Variants in NFATC3 observed in about 807,000 individuals in gnomAD.
NFATC3 encodes nuclear factor of activated T-cells, cytoplasmic 3.
Under a neutral mutation model 98.6 loss-of-function variants are expected in NFATC3, and 46 were observed. The ratio of observed to expected loss-of-function variants is 0.47; its 90% CI spans 0.37 to 0.60. The LOEUF (loss-of-function observed/expected upper bound fraction) is 0.60, where lower values mean the gene tolerates loss of function less well. NFATC3 is among the 20% of genes least tolerant of loss of function. The pLI, the probability that NFATC3 is intolerant of heterozygous loss-of-function variation, is 0.00. For missense variants in NFATC3, 1,256 were observed against 1,295.5 expected (o/e 0.97, Z 0.47); for synonymous variants, 512 against 472.2 (o/e 1.08, Z -1.09).
At chr16:68,094,303 G>A (rs1025046015) in intron 1 of NFATC3, among the ~76,000 whole-genome samples, 2 of 151,826 alleles carry the variant, frequency 1.3e-5, no homozygotes, top group African/African-American at 4.8e-5. Context: ...AGTTTAAAGC[G>A]TTTAGATCTG....
At chr16:68,210,684 T>G (rs934879218) in intron 9 of NFATC3, among the ~76,000 whole-genome samples, 1 of 152,200 alleles carries the variant, frequency 6.6e-6, no homozygotes, top group Admixed American at 6.5e-5. Flanking sequence ...TAAAACTCAC[T>G]TGGTCTTAAT....
intron 1 of NFATC3, chr16:68,089,263 C>G: frequency 1.0e-6 from 1 of 985,330 alleles, no homozygotes; most frequent in Non-Finnish European, 1.2e-6. Context: ...CCTAAGCAAG[C>G]TTGTTAAAGT....
intron 4 of NFATC3, among the ~76,000 whole-genome samples, chr16:68,163,752 A>G (rs1321929906): frequency 1.9e-4 from 27 of 144,948 alleles, no homozygotes; most frequent in Non-Finnish European, 3.6e-4. Flanking sequence ...GGCGCTCCTC[A>G]CATCCCAGAC....
chr16:68,089,372 C>A (rs575006052), intron 1 of NFATC3: 2 of 820,806 alleles, frequency 2.4e-6, no homozygotes, highest in Non-Finnish European at 2.9e-6. Flanking sequence ...CTACTGTTTG[C>A]GAGATATTTT....
In NFATC3 at chr16:68,229,004, G is replaced by A. The variant is rs1207341387; in HGVS notation, c.*2533G>A. On this transcript the variant is annotated 3_prime_UTR_variant, in exon 10 of 10. Coordinates refer to ENST00000346183, the MANE Select transcript of NFATC3 (RefSeq NM_173165.3). ...GCCTGGCTGTGAAGCCCTGTTTTTG[G>A]TATTCAGAATGGATCTTTAAGGCTC... 6.6e-6 allele frequency: 1 copy of A among 152,258 alleles called. No individual in the cohort carries two copies. The highest frequency in any genetic ancestry group is 2.4e-5 in the African/African-American group (1 of 41,466). 9.4% of individuals were successfully genotyped at this position (152,258 alleles called of 1,614,324 possible). A position where few individuals can be genotyped will look rare whatever the true frequency, so the allele number is the denominator to read the frequency against.
intron 8 of NFATC3, among the ~76,000 whole-genome samples, chr16:68,188,826 A>T (rs998816850): frequency 3.9e-5 from 6 of 152,144 alleles, no homozygotes; most frequent in African/African-American, 1.4e-4. Context: ...CTCCTGCCTC[A>T]GCCTCCCAAG....
intron 1 of NFATC3, among the ~76,000 whole-genome samples, chr16:68,091,082 C>T (rs535753861): frequency 3.3e-5 from 5 of 152,246 alleles, no homozygotes; most frequent in Admixed American, 6.5e-5. Context: ...TAAAAACATT[C>T]ATCATTGCAA....
rs776395028 is a variant in NFATC3, at chr16:68,157,824, A to G, written c.1402-45A>G. 2.0e-6 allele frequency: 3 copies of G among 1,496,048 alleles called. No individual in the cohort carries two copies. In the South Asian group the frequency reaches 3.5e-5, roughly 18 times the overall value. 92.7% of individuals were successfully genotyped at this position (1,496,048 alleles called of 1,614,324 possible). On this transcript the variant is annotated intron_variant, in intron 3 of 9. Coordinates refer to ENST00000346183, the MANE Select transcript of NFATC3 (RefSeq NM_173165.3). ...CTATTGTTGGCATATTGTAAAATGC[A>G]TGGATAATGAATTGTGCTTTTCTGT... is the stretch of plus-strand genomic sequence containing the variant.
intron 9 of NFATC3, chr16:68,209,658 G>C: frequency 2.4e-6 from 1 of 408,466 alleles, no homozygotes; most frequent in South Asian, 1.9e-5. Context: ...TCTTTGTGCT[G>C]AACACCAAAT....
At chr16:68,185,828 A>G (rs1288044601) in intron 8 of NFATC3, among the ~76,000 whole-genome samples, 2 of 138,180 alleles carry the variant, frequency 1.4e-5, no homozygotes, top group Admixed American at 8.3e-5. Context: ...GCACCACCGC[A>G]CTCCAGCCTG....
chr16:68,090,295 A>AC lies in NFATC3; in HGVS notation c.103+4523dup, dbSNP rs11351556. Among the ~76,000 whole-genome samples, 301 of 111,068 alleles carry AC rather than the reference A, an allele frequency of 2.7e-3. 2 individuals are homozygous for AC. Among genetic ancestry groups the AC allele is most frequent in the South Asian group, 0.022 (67 of 3,018 alleles). The allele number at this position is 111,068 out of a possible 152,430, so 72.9% of individuals were successfully genotyped here. A position where few individuals can be genotyped will look rare whatever the true frequency, so the allele number is the denominator to read the frequency against. Reference sequence around the variant, plus strand: ...TAACTAAAATTTTTTTAAACACGCAACCCCCCCCCCCCAACATTTCTTTAA... The same window carrying AC: ...TAACTAAAATTTTTTTAAACACGCAACCCCCCCCCCCCCAACATTTCTTTAA... On this transcript the variant is annotated intron_variant, in intron 1 of 9. Coordinates refer to ENST00000346183, the MANE Select transcript of NFATC3 (RefSeq NM_173165.3).
chr16:68,096,124 C>T (rs1240187348), intron 1 of NFATC3, among the ~76,000 whole-genome samples: 1 of 152,080 alleles, frequency 6.6e-6, no homozygotes, highest in Admixed American at 6.6e-5. Flanking sequence ...CCATGCCCAG[C>T]TAATTTTTAA....
chr16:68,155,370 G>C (rs995708397), intron 3 of NFATC3, among the ~76,000 whole-genome samples: 1 of 152,156 alleles, frequency 6.6e-6, no homozygotes, highest in African/African-American at 2.4e-5. Context: ...ATTATCAGGA[G>C]AGCTGAAAGA....
chr16:68,189,816 C>A (rs1397914407), intron 8 of NFATC3, among the ~76,000 whole-genome samples: 1 of 152,174 alleles, frequency 6.6e-6, no homozygotes, highest in Non-Finnish European at 1.5e-5. Context: ...ATAATCCCAG[C>A]ACTTTGGGAG....
chr16:68,182,709 G>A (rs775920965), intron 7 of NFATC3, among the ~76,000 whole-genome samples: 1 of 151,804 alleles, frequency 6.6e-6, no homozygotes, highest in African/African-American at 2.4e-5. Context: ...AGTAGAGATA[G>A]GGTTTTAACA....
chr16:68,099,662 CT>C (rs1287190898), intron 1 of NFATC3, among the ~76,000 whole-genome samples: 6 of 151,758 alleles, frequency 4.0e-5, no homozygotes, highest in Non-Finnish European at 8.8e-5. Flanking sequence ...ATCTCACTAA[CT>C]TCTTTATAAG....
chr16:68,226,366 G>T lies in NFATC3; in HGVS notation c.3123G>T (p.Gly1041=). 6.4e-7 allele frequency: 1 copy of T among 1,570,424 alleles called. No individual in the cohort carries two copies. The highest frequency in any genetic ancestry group is 8.6e-7 in the Non-Finnish European group (1 of 1,163,174). The part of the protein sequence containing the change: ...ITLDDVNEII[G]RDMSQISVSQ... The stretch of plus-strand genomic sequence containing the variant: ...GTTTTTCAGTGAACGAGATAATTGG[G>T]AGAGACATGTCCCAGATTTCTGTTT... The change falls in exon 10 of 10, where the codon GGG becomes GGT. Residue 1041 remains glycine, a synonymous_variant. Coordinates refer to ENST00000346183, the MANE Select transcript of NFATC3 (RefSeq NM_173165.3).
intron 9 of NFATC3, among the ~76,000 whole-genome samples, chr16:68,194,152 T>C (rs2040560589): frequency 6.6e-6 from 1 of 152,164 alleles, no homozygotes; most frequent in Non-Finnish European, 1.5e-5. Flanking sequence ...ATCACACAAC[T>C]AGTAAGCAGC....
intron 1 of NFATC3, among the ~76,000 whole-genome samples, chr16:68,106,416 C>T (rs117815871): frequency 0.02 from 2,989 of 151,960 alleles, 42 homozygotes; most frequent in Non-Finnish European, 0.032. Context: ...CTCAGCCTCC[C>T]GACTAGCTGA....
Sources: allele counts gnomAD v4.1 joint callset (sites outside exome capture counted in the v4.1 genomes callset), GRCh38; gene constraint gnomAD v4.1.1; transcripts MANE v1.5; gene names NCBI Gene and HGNC (gene_info 2026-07-23, HGNC 2026-07-21).